Variants in ZNF48 observed in about 807,000 individuals in gnomAD.
ZNF48 encodes the protein zinc finger protein 48.
A neutral mutation model predicts 40.0 loss-of-function variants in ZNF48; 20 were observed. The observed-to-expected ratio is 0.50, with a 90% CI of 0.35 to 0.73. The LOEUF (loss-of-function observed/expected upper bound fraction) is 0.73. Ranked by LOEUF, ZNF48 falls within the 30% of genes least tolerant of loss-of-function variation. The pLI is 0.01. For missense variants in ZNF48, 726 were observed against 851.9 expected, an observed-to-expected ratio of 0.85 and a Z score of 1.84; for synonymous variants, 298 against 329.7, an observed-to-expected ratio of 0.90 and a Z score of 1.04.
chr16:30,383,128 G>A, intron 1 of ZNF48: 1 of 391,844 alleles, frequency 2.6e-6, no homozygotes, highest in Non-Finnish European at 4.8e-6. Context: ...ACTGCAGTGA[G>A]CTGTGATCAC....
chr16:30,382,151 G>T lies in ZNF48; in HGVS notation c.-16+3741G>T. ...GGTTGGTGAGGAAGAGGCTGTTGAT[G>T]AGGGTGGATTTCCCTAGGCCTGACT... is the stretch of plus-strand genomic sequence containing the variant. On this transcript the variant is annotated intron_variant, in intron 1 of 2. Transcript: ENST00000528032. The surrounding 1 kb of genome is among the most constrained non-coding windows in gnomAD (Gnocchi z 4.8). 1 of 1,600,966 alleles carries T rather than the reference G, an allele frequency of 6.2e-7. No individual in the cohort carries two copies. Among genetic ancestry groups the T allele is most frequent in the Non-Finnish European group, 8.5e-7 (1 of 1,173,698 alleles).
At chr16:30,395,226 C>T (rs754338292), upstream of ZNF48, 5 of 456,264 alleles carry the variant, frequency 1.1e-5, 1 homozygote, top group South Asian at 7.7e-5. The surrounding 1 kb of genome is among the most constrained non-coding windows in gnomAD (Gnocchi z 5.9). Context: ...CCTCACCACC[C>T]AGCTGCAGCC....
At position 30,398,947 on chromosome 16, in the gene ZNF48, CGGGGGAGAA is replaced by C. The variant is rs1351735322; in HGVS notation, c.1699_1707del (p.Gly567_Lys569del). 6.2e-7 allele frequency: 1 copy of C among 1,613,942 alleles called. No individual in the cohort carries two copies. Among genetic ancestry groups the C allele is most frequent in the Non-Finnish European group, 8.5e-7 (1 of 1,179,942 alleles). ...CTGGTCAAACACAGGCGTACACACA[CGGGGGAGAA>C]GCCATACAAGTGTGCAGAGTGTGGC... On this transcript the variant is annotated inframe_deletion, in exon 3 of 3. Transcript: ENST00000613509. The surrounding 1 kb of genome is among the most constrained non-coding windows in gnomAD (Gnocchi z 6.6).
At position 30,398,059 on chromosome 16, in the gene ZNF48, C is replaced by T. The variant is rs1457658189; in HGVS notation, c.809C>T (p.Ala270Val). ...AATAATQGPKAQDKPYICTDC... is the reference protein window; with the variant it reads ...AATAATQGPKVQDKPYICTDC... ...ACGGCAGCTACCCAGGGACCGAAGGCCCAGGACAAGCCATATATCTGCACT... is the reference window on the plus strand; with the variant it reads ...ACGGCAGCTACCCAGGGACCGAAGGTCCAGGACAAGCCATATATCTGCACT... Residue 270 changes from alanine to valine, a missense_variant, in exon 3 of 3, where the codon GCC (alanine) becomes GTC (valine). Physicochemically the swap from Ala to Val is moderately conservative, Grantham distance 64. This residue lies in a region of ZNF48 where 378 missense variants were observed against 449.1 expected (regional missense o/e 0.84). Coordinates refer to ENST00000613509, the MANE Select transcript of ZNF48 (RefSeq NM_001214909.2). This position sits in a 1 kb window ranked among gnomAD's most constrained non-coding sequence, Gnocchi z 6.6. 2.5e-6 allele frequency: 4 copies of T among 1,612,594 alleles called. No homozygotes were observed. The highest frequency in any genetic ancestry group is 2.2e-5 in the East Asian group (1 of 44,868).
rs776669072 is a variant in ZNF48, at chr16:30,397,730, G to A, written c.480G>A (p.Arg160=). Residue 160 remains arginine (R), a synonymous_variant, in exon 3 of 3, where the codon CGG becomes CGA. Transcript: ENST00000613509. The surrounding 1 kb of genome is among the most constrained non-coding windows in gnomAD (Gnocchi z 4.1). ...GCTCTGCCCGGATCAAACACCAGCG[G>A]ACTCATAGTGGGGAGAAGCCCTATA... ...GDSSARIKHQ[R]THSGEKPYRA... is the part of the protein sequence containing the mutation. The A allele has an allele frequency of 8.2e-5, 132 of 1,613,806 alleles. No homozygotes were observed. Among genetic ancestry groups the A allele is most frequent in the Middle Eastern group, 1.6e-4 (1 of 6,084 alleles).
upstream of ZNF48, chr16:30,394,561 C>CGG: frequency 6.6e-6 from 1 of 152,594 alleles, no homozygotes; most frequent in South Asian, 2.1e-4. Context: ...CGGAGTCTTT[C>CGG]TGGCCGCCTC....
Position 30,382,735 on chromosome 16 carries a change from C to T in ZNF48, c.-16+4325C>T. The T allele has an allele frequency of 6.5e-7, 1 of 1,536,346 alleles. No homozygotes were observed. Among genetic ancestry groups the T allele is most frequent in the Non-Finnish European group, 8.7e-7 (1 of 1,146,686 alleles). On this transcript the variant is annotated intron_variant, in intron 1 of 2. Coordinates refer to the ZNF48 transcript ENST00000528032. This position sits in a 1 kb window ranked among gnomAD's most constrained non-coding sequence, Gnocchi z 4.8. ...CTTTGCCCATCACCTGTCTACGTAC[C>T]TTCAACCCTCCATCCTTCACACATC...
chr16:30,381,179 A>G lies in ZNF48; in HGVS notation c.-16+2769A>G. ...GGGCATCAGAGCATCCGCTTTGCCA[A>G]TGACTGGGATGATGTTGACTTTCTC... On this transcript the variant is annotated intron_variant, in intron 1 of 2. Transcript: ENST00000528032. This position sits in a 1 kb window ranked among gnomAD's most constrained non-coding sequence, Gnocchi z 4.3. 6.2e-7 allele frequency: 1 copy of G among 1,614,030 alleles called. No individual in the cohort carries two copies. Among genetic ancestry groups the G allele is most frequent in the Non-Finnish European group, 8.5e-7 (1 of 1,180,000 alleles).
chr16:30,397,591 G>A lies in ZNF48; in HGVS notation c.341G>A (p.Cys114Tyr). The A allele has an allele frequency of 1.2e-6, 2 of 1,614,146 alleles. No individual in the cohort carries two copies. Among genetic ancestry groups the A allele is most frequent in the Non-Finnish European group, 1.7e-6 (2 of 1,180,032 alleles). ...GQASSDRAAV[C>Y]GECGKSFRQM... Reference sequence around the variant, plus strand: ...GCTAGTAGTGATCGGGCCGCTGTGTGTGGTGAGTGTGGCAAAAGCTTCAGG... The same window carrying A: ...GCTAGTAGTGATCGGGCCGCTGTGTATGGTGAGTGTGGCAAAAGCTTCAGG... The change falls in exon 3 of 3, where the codon TGT becomes TAT. Residue 114 changes from cysteine (C) to tyrosine (Y), a missense_variant. This residue lies in a region of ZNF48 where 151 missense variants were observed against 162.3 expected (regional missense o/e 0.93). Transcript: ENST00000613509. This position sits in a 1 kb window ranked among gnomAD's most constrained non-coding sequence, Gnocchi z 4.1.
chr16:30,382,250 A>C lies in ZNF48; in HGVS notation c.-16+3840A>C. 6.2e-7 allele frequency: 1 copy of C among 1,613,124 alleles called. No individual in the cohort carries two copies. Among genetic ancestry groups the C allele is most frequent in the Middle Eastern group, 1.7e-4 (1 of 6,058 alleles). On this transcript the variant is annotated intron_variant, in intron 1 of 2. Transcript: ENST00000528032. The surrounding 1 kb of genome is among the most constrained non-coding windows in gnomAD (Gnocchi z 4.8). ...GGCCTCCTAAGGACATCCCCTCCGCAGTTCCCTCTCCAAAACCCCCAGACC... is the reference window on the plus strand; with the variant it reads ...GGCCTCCTAAGGACATCCCCTCCGCCGTTCCCTCTCCAAAACCCCCAGACC...
In ZNF48 at chr16:30,382,856, G is replaced by T; in HGVS notation, c.-16+4446G>T. The T allele has an allele frequency of 1.4e-6, 2 of 1,397,540 alleles. No individual in the cohort carries two copies. The highest frequency in any genetic ancestry group is 2.0e-6 in the Non-Finnish European group (2 of 1,020,804). 86.6% of individuals were successfully genotyped at this position (1,397,540 alleles called of 1,614,324 possible). ...GGCTCCCTTTGTTAGCAGGGGAGAT[G>T]AAGGTTTTGATGAGCTGATTAGAAA... is the stretch of plus-strand genomic sequence containing the variant. On this transcript the variant is annotated intron_variant, in intron 1 of 2. Coordinates refer to the ZNF48 transcript ENST00000528032. The surrounding 1 kb of genome is among the most constrained non-coding windows in gnomAD (Gnocchi z 4.8).
In ZNF48 at chr16:30,397,404, A is replaced by C; in HGVS notation, c.154A>C (p.Lys52Gln). ...HTPQEDDLGF[K>Q]EEDLAPDHEV... ...CCCACAGGAAGATGACTTGGGGTTC[A>C]AGGAAGAAGATTTGGCTCCAGATCA... is the stretch of plus-strand genomic sequence containing the variant. Residue 52 changes from lysine to glutamine, a missense_variant, in exon 3 of 3, where the codon AAG becomes CAG. Lys to Gln is a moderately conservative substitution (Grantham distance 53). Around this residue, in one of 5 missense-constraint regions of ZNF48, gnomAD observed 151 missense variants for 162.3 expected, o/e 0.93. Coordinates refer to ENST00000613509, the MANE Select transcript of ZNF48 (RefSeq NM_001214909.2). This position sits in a 1 kb window ranked among gnomAD's most constrained non-coding sequence, Gnocchi z 4.1. The C allele has an allele frequency of 6.2e-7, 1 of 1,614,114 alleles. No individual in the cohort carries two copies. Among genetic ancestry groups the C allele is most frequent in the Non-Finnish European group, 8.5e-7 (1 of 1,180,020 alleles).
At chr16:30,396,373 G>T (rs2049984622) in intron 2 of ZNF48, among the ~76,000 whole-genome samples, 1 of 152,086 alleles carries the variant, frequency 6.6e-6, no homozygotes, top group Admixed American at 6.6e-5. Flanking sequence ...CTGCCGTAAT[G>T]CCGGTTCCTA....
At position 30,398,325 on chromosome 16, in the gene ZNF48, C is replaced by T. The variant is rs767369823; in HGVS notation, c.1075C>T (p.His359Tyr). The stretch of plus-strand genomic sequence containing the variant: ...CCGCACCCACAGTGGCGAGAGGCCC[C>T]ATGCCTGCCCGGAATGCGACCGTAC... ...HLRTHSGERP[H>Y]ACPECDRTFS... is the part of the protein sequence containing the mutation. Residue 359 changes from histidine to tyrosine, a missense_variant, in exon 3 of 3, where the codon CAT becomes TAT. His to Tyr is a moderately conservative substitution (Grantham distance 83). Coordinates refer to ENST00000613509, the MANE Select transcript of ZNF48 (RefSeq NM_001214909.2). This position sits in a 1 kb window ranked among gnomAD's most constrained non-coding sequence, Gnocchi z 6.6. 8 of 1,613,410 alleles carry T rather than the reference C, an allele frequency of 5.0e-6. No individual in the cohort carries two copies. The highest frequency in any genetic ancestry group is 6.8e-6 in the Non-Finnish European group (8 of 1,179,984).
chr16:30,393,163 G>C (rs4340343), upstream of ZNF48, among the ~76,000 whole-genome samples: 90,503 of 151,648 alleles, frequency 0.6, 27,829 homozygotes, highest in East Asian at 0.92. Context: ...TGCAACCTCC[G>C]CCTCTGGGGT....
At position 30,396,688 on chromosome 16, in the gene ZNF48, C is replaced by CTT. The variant is rs1167683501; in HGVS notation, c.80-620_80-619dup. 4.7e-3 allele frequency among the ~76,000 whole-genome samples: 521 copies of CTT among 111,956 alleles called. 3 individuals carry two copies. The highest frequency in any genetic ancestry group is 0.014 in the African/African-American group (355 of 25,766). 73.4% of individuals were successfully genotyped at this position (111,956 alleles called of 152,430 possible). A position where few individuals can be genotyped will look rare whatever the true frequency, so the allele number is the denominator to read the frequency against. On this transcript the variant is annotated intron_variant, in intron 2 of 2. Transcript: ENST00000613509. ...CTTAGTTAGACATCACGCTTTGCTACTTTTTTTTTTTTTTTTTTTTTTTGG... is the reference window on the plus strand; with the variant it reads ...CTTAGTTAGACATCACGCTTTGCTACTTTTTTTTTTTTTTTTTTTTTTTTTGG...
chr16:30,398,755 G>C lies in ZNF48; in HGVS notation c.1505G>C (p.Arg502Pro). 1 of 1,613,708 alleles carries C rather than the reference G, an allele frequency of 6.2e-7. No homozygotes were observed. The highest frequency in any genetic ancestry group is 8.5e-7 in the Non-Finnish European group (1 of 1,179,998). ...SARVKHLRTHRGERARPPPPS... is the reference protein window; with the variant it reads ...SARVKHLRTHPGERARPPPPS... The stretch of plus-strand genomic sequence containing the variant: ...CGAGTCAAGCACCTCCGCACCCACC[G>C]TGGTGAACGGGCCCGGCCACCACCA... The change falls in exon 3 of 3, where the codon CGT becomes CCT. Residue 502 changes from arginine to proline, a missense_variant. Around this residue, in one of 5 missense-constraint regions of ZNF48, gnomAD observed 166 missense variants for 163.6 expected, o/e 1.01. Coordinates refer to ENST00000613509, the MANE Select transcript of ZNF48 (RefSeq NM_001214909.2). This position sits in a 1 kb window ranked among gnomAD's most constrained non-coding sequence, Gnocchi z 6.6.
chr16:30,378,445 C>T, intron 1 of ZNF48: 5 of 1,572,952 alleles, frequency 3.2e-6, no homozygotes, highest in Non-Finnish European at 4.3e-6. Context: ...CAGAGGGCGT[C>T]TGACTGCTCG....
At chr16:30,379,940 C>G in intron 1 of ZNF48, 1 of 1,538,042 alleles carries the variant, frequency 6.5e-7, no homozygotes. Flanking sequence ...ACCTTCATCT[C>G]TGCATCCTGC....
Sources: allele counts gnomAD v4.1 joint callset (sites outside exome capture counted in the v4.1 genomes callset), GRCh38; gene constraint gnomAD v4.1.1; regional missense constraint gnomAD v4.1.1; non-coding constraint Gnocchi (gnomAD v3.1); transcripts MANE v1.5; gene names NCBI Gene and HGNC (gene_info 2026-07-23, HGNC 2026-07-21).